ITGBL1: variants seen among roughly 807,000 people sequenced by gnomAD.
ITGBL1 encodes integrin subunit beta like 1.
Under a neutral mutation model 68.5 loss-of-function variants are expected in ITGBL1, and 51 were observed. The observed-to-expected ratio is 0.74, with a 90% confidence interval of 0.59 to 0.94. The LOEUF (loss-of-function observed/expected upper bound fraction) is 0.94, where lower values mean the gene tolerates loss of function less well. Among genes scored for constraint, ITGBL1 ranks in the 40% least tolerant of loss-of-function variants. The probability of loss-of-function intolerance (pLI) is 0.00; values close to 1 mark genes in which losing one functional copy is unlikely to be tolerated. For missense variants in ITGBL1, 649 were observed against 647.4 expected, an observed-to-expected ratio of 1.00 and a Z score of -0.03; for synonymous variants, 209 against 227.3, an observed-to-expected ratio of 0.92 and a Z score of 0.72.
chr13:101,678,651 C>T (rs1355604920), intron 7 of ITGBL1, among the ~76,000 whole-genome samples: 2 of 152,048 alleles, frequency 1.3e-5, no homozygotes, highest in Non-Finnish European at 2.9e-5. Flanking sequence ...AGGTGCTCAC[C>T]ACCACACCCA....
chr13:101,661,512 C>T (rs1222616227), intron 7 of ITGBL1, among the ~76,000 whole-genome samples: 1 of 152,140 alleles, frequency 6.6e-6, no homozygotes, highest in Admixed American at 6.5e-5. Context: ...ATTCCTCTTG[C>T]TTCAGCTTAT....
At chr13:101,600,153 A>G (rs953686331) in intron 7 of ITGBL1, among the ~76,000 whole-genome samples, 23 of 152,102 alleles carry the variant, frequency 1.5e-4, no homozygotes, top group Non-Finnish European at 5.9e-5. Context: ...GGTCCTTCAC[A>G]TCCCTTGTAA....
downstream of ITGBL1, chr13:101,717,430 G>T (rs1490848873): frequency 6.6e-6 from 1 of 152,012 alleles, no homozygotes; most frequent in Non-Finnish European, 1.5e-5. Context: ...AATAATGTAG[G>T]TTATATTCTT....
intron 7 of ITGBL1, among the ~76,000 whole-genome samples, chr13:101,687,398 AAAATAT>A (rs1195350506): frequency 1.3e-5 from 2 of 151,922 alleles, no homozygotes; most frequent in Non-Finnish European, 2.9e-5. Context: ...TGATTGTGGG[AAAATAT>A]AAATTTAAAG....
chr13:101,603,368 T>A (rs1289045041), intron 7 of ITGBL1, among the ~76,000 whole-genome samples: 1 of 151,844 alleles, frequency 6.6e-6, no homozygotes, highest in Non-Finnish European at 1.5e-5. Context: ...AGTAGAAGAG[T>A]GGAGGAGTAG....
At chr13:101,686,949 G>A (rs2033768225) in intron 7 of ITGBL1, among the ~76,000 whole-genome samples, 1 of 152,038 alleles carries the variant, frequency 6.6e-6, no homozygotes, top group Non-Finnish European at 1.5e-5. Context: ...TGGGCTTAAG[G>A]TTAGAATGAG....
At chr13:101,684,692 TC>T (rs2139535791) in intron 7 of ITGBL1, among the ~76,000 whole-genome samples, 1 of 152,082 alleles carries the variant, frequency 6.6e-6, no homozygotes, top group East Asian at 1.9e-4. Context: ...CATCTTTTTA[TC>T]CTTACCATAT....
At chr13:101,636,116 C>A (rs1232334948) in intron 7 of ITGBL1, among the ~76,000 whole-genome samples, 1 of 152,084 alleles carries the variant, frequency 6.6e-6, no homozygotes, top group Non-Finnish European at 1.5e-5. Context: ...ATGCAATACA[C>A]TTTTGAGTTT....
At chr13:101,595,936 A>T (rs2029933361) in intron 6 of ITGBL1, among the ~76,000 whole-genome samples, 1 of 152,190 alleles carries the variant, frequency 6.6e-6, no homozygotes, top group Non-Finnish European at 1.5e-5. Flanking sequence ...TGAAAACAAC[A>T]CAAGTGTCTG....
At chr13:101,501,250 T>G (rs1188409505) in intron 2 of ITGBL1, among the ~76,000 whole-genome samples, 1 of 152,200 alleles carries the variant, frequency 6.6e-6, no homozygotes, top group Non-Finnish European at 1.5e-5. Flanking sequence ...CTGATCTATC[T>G]TTGGTGGCCC....
chr13:101,587,503 C>A (rs776510203), intron 6 of ITGBL1, among the ~76,000 whole-genome samples: 12 of 152,186 alleles, frequency 7.9e-5, no homozygotes, highest in Non-Finnish European at 1.8e-4. Flanking sequence ...GTTTGTTACA[C>A]CCAATTTACT....
chr13:101,543,811 C>A (rs2049760721), intron 2 of ITGBL1, among the ~76,000 whole-genome samples: 2 of 152,080 alleles, frequency 1.3e-5, no homozygotes. Context: ...TTTGATCATC[C>A]ATCACTGATA....
chr13:101,659,055 T>TTTG (rs2033010397), intron 7 of ITGBL1, among the ~76,000 whole-genome samples: 1 of 146,498 alleles, frequency 6.8e-6, no homozygotes, highest in Admixed American at 6.8e-5. Flanking sequence ...TTTTTTTTTT[T>TTTG]TTTTTTGAGG....
intron 7 of ITGBL1, among the ~76,000 whole-genome samples, chr13:101,666,550 A>G (rs187569288): frequency 1.2e-3 from 180 of 149,378 alleles, no homozygotes; most frequent in Middle Eastern, 7.0e-3. Context: ...TTTTTTCTTC[A>G]TGTTTGATTT....
chr13:101,554,948 T>C (rs1013164527), intron 2 of ITGBL1, among the ~76,000 whole-genome samples: 7 of 152,234 alleles, frequency 4.6e-5, no homozygotes, highest in Non-Finnish European at 5.9e-5. Flanking sequence ...CAGTGACTTA[T>C]GAATGTGTCA....
At chr13:101,542,826 CTT>C (rs2049735381) in intron 2 of ITGBL1, among the ~76,000 whole-genome samples, 1 of 152,096 alleles carries the variant, frequency 6.6e-6, no homozygotes, top group Non-Finnish European at 1.5e-5. Context: ...TTCTTTGTCT[CTT>C]TTGATCTTTG....
At chr13:101,653,251 T>A (rs991026858) in intron 7 of ITGBL1, among the ~76,000 whole-genome samples, 4 of 150,572 alleles carry the variant, frequency 2.7e-5, no homozygotes, top group African/African-American at 9.7e-5. Flanking sequence ...ATTGACTAAC[T>A]GAGGCCAGTA....
At chr13:101,585,327 T>C (rs866784839) in intron 6 of ITGBL1, among the ~76,000 whole-genome samples, 12 of 152,194 alleles carry the variant, frequency 7.9e-5, no homozygotes, top group African/African-American at 2.7e-4. Flanking sequence ...TCCCAGCCTG[T>C]TGAATATGTG....
Position 101,584,701 on chromosome 13 carries a change from T to C in ITGBL1, c.868+1345T>C, listed in dbSNP as rs1176434517. 7.2e-5 allele frequency among the ~76,000 whole-genome samples: 11 copies of C among 152,212 alleles called. No homozygotes were observed. The East Asian group carries it at 2.1e-3, about 29-fold the overall frequency. ...TGAGGGTATTTTTTTCTATTATTAA[T>C]TATACATGCTCATGTTCTTCATTAT... On this transcript the variant is annotated intron_variant, in intron 6 of 10. Transcript: ENST00000376180.
Sources: gnomAD v4.1 joint callset for allele counts (sites outside exome capture counted in the v4.1 genomes callset) on GRCh38, gnomAD v4.1.1 for gene constraint, MANE v1.5 for transcripts, NCBI Gene and HGNC (gene_info 2026-07-23, HGNC 2026-07-21) for gene names.